The following CUL1 variants were observed in gnomAD, a reference collection of about 807,000 sequenced individuals.
CUL1 encodes cullin-1.
CUL1 carries 24 observed loss-of-function variants against 118.0 expected under a neutral mutation model. That is an observed-to-expected ratio of 0.20 (90% CI 0.15 to 0.29). The LOEUF is 0.29. Ranked by LOEUF, CUL1 falls within the 10% of genes least tolerant of loss-of-function variation. The pLI is 1.00. For synonymous variants in CUL1, 332 were observed against 340.4 expected, an observed-to-expected ratio of 0.98 and a Z score of 0.27; for missense variants, 361 against 933.8, an observed-to-expected ratio of 0.39 and a Z score of 7.99.
At position 148,739,526 on chromosome 7, in the gene CUL1, G is replaced by A. The variant is rs931576963; in HGVS notation, c.140+9264G>A. Among the ~76,000 whole-genome samples, 4 of 152,162 alleles carry A rather than the reference G, an allele frequency of 2.6e-5. No homozygotes were observed. In the East Asian group the frequency reaches 7.7e-4, roughly 29 times the overall value. On this transcript the variant is annotated intron_variant, in intron 2 of 21. Transcript: ENST00000325222. The stretch of plus-strand genomic sequence containing the variant: ...CTTTTTATATGCTCGTTGACCATTC[G>A]TATGTCATCTTTTGTAAAGTGTCCA...
chr7:148,707,627 C>T (rs1490157657), intron 1 of CUL1, among the ~76,000 whole-genome samples: 1 of 152,062 alleles, frequency 6.6e-6, no homozygotes, highest in African/African-American at 2.4e-5. Flanking sequence ...TAGCTGTTTT[C>T]CCTGGTGTTG....
At chr7:148,722,730 C>G (rs1233650349) in intron 1 of CUL1, among the ~76,000 whole-genome samples, 2 of 152,258 alleles carry the variant, frequency 1.3e-5, no homozygotes, top group Non-Finnish European at 2.9e-5. Context: ...TGGTTGCAGG[C>G]CACCCCAGGC....
intron 1 of CUL1, among the ~76,000 whole-genome samples, chr7:148,699,646 A>T (rs1399964743): frequency 6.6e-6 from 1 of 152,060 alleles, no homozygotes; most frequent in Non-Finnish European, 1.5e-5. Context: ...GCGAACGTGC[A>T]GGGCGCTATT....
At chr7:148,729,118 C>A (rs1798675429) in intron 1 of CUL1, among the ~76,000 whole-genome samples, 1 of 152,102 alleles carries the variant, frequency 6.6e-6, no homozygotes, top group Non-Finnish European at 1.5e-5. Flanking sequence ...ATATTGAATA[C>A]CTAAGTTACT....
intron 13 of CUL1, among the ~76,000 whole-genome samples, chr7:148,788,134 C>T (rs1800882519): frequency 6.6e-6 from 1 of 152,264 alleles, no homozygotes; most frequent in South Asian, 2.1e-4. Flanking sequence ...GCACACCAAT[C>T]CCATTGTGAG....
rs373286492 is a variant in CUL1 at position 148,704,223 on chromosome 7, T to C, written c.-162+5194T>C. Among the ~76,000 whole-genome samples the C allele has an allele frequency of 1.1e-4, 14 of 129,294 alleles. No homozygotes were observed. The East Asian group carries it at 1.6e-3, about 15-fold the overall frequency. The allele number at this position is 129,294 out of a possible 152,430, so 84.8% of individuals were successfully genotyped here. Reference sequence around the variant, plus strand: ...TTTATAAAAAGAGGAGCAGGAAACATGAAAAAACTTTCAGCTTTACTAGCA... The same window carrying C: ...TTTATAAAAAGAGGAGCAGGAAACACGAAAAAACTTTCAGCTTTACTAGCA... On this transcript the variant is annotated intron_variant, in intron 1 of 21. Transcript: ENST00000325222.
chr7:148,725,512 T>A (rs1311740406), intron 1 of CUL1, among the ~76,000 whole-genome samples: 1 of 152,202 alleles, frequency 6.6e-6, no homozygotes, highest in Non-Finnish European at 1.5e-5. Context: ...AGGGTGATGC[T>A]GGCTCTATAG....
intron 7 of CUL1, among the ~76,000 whole-genome samples, chr7:148,763,570 A>G (rs1006271620): frequency 2.0e-5 from 3 of 152,190 alleles, no homozygotes; most frequent in Non-Finnish European, 4.4e-5. Flanking sequence ...AATAATAATA[A>G]TAGGTAATAA....
chr7:148,771,306 T>G (rs371811313), intron 9 of CUL1, among the ~76,000 whole-genome samples: 1 of 152,248 alleles, frequency 6.6e-6, no homozygotes, highest in Non-Finnish European at 1.5e-5. Context: ...GGTTTCCAGT[T>G]TATCATGTAA....
intron 1 of CUL1, among the ~76,000 whole-genome samples, chr7:148,709,257 A>G (rs1459599951): frequency 2.6e-5 from 4 of 152,224 alleles, no homozygotes; most frequent in African/African-American, 7.2e-5. Context: ...ATGCGCATAC[A>G]TACTCTGGGC....
chr7:148,792,588 T>C (rs1801052586), intron 16 of CUL1, 138 bp from the exon 17 acceptor site: 1 of 566,986 alleles, frequency 1.8e-6, no homozygotes, highest in African/African-American at 1.9e-5. Flanking sequence ...CCCTTTTAAA[T>C]AGATCTGTGC....
At chr7:148,764,670 C>G (rs1193962615) in intron 7 of CUL1, among the ~76,000 whole-genome samples, 1 of 152,186 alleles carries the variant, frequency 6.6e-6, no homozygotes. Flanking sequence ...TTTGCATGTT[C>G]TATATTCCAC....
At chr7:148,742,598 G>GT (rs59592789) in intron 2 of CUL1, among the ~76,000 whole-genome samples, 1,443 of 112,156 alleles carry the variant, frequency 0.013, 51 homozygotes, top group South Asian at 0.032. Context: ...ACCTTTTCTG[G>GT]TTTTTTTTTT....
chr7:148,744,190 C>A (rs528660917), intron 2 of CUL1, among the ~76,000 whole-genome samples: 71 of 152,214 alleles, frequency 4.7e-4, no homozygotes, highest in African/African-American at 1.7e-3. Context: ...GGTCTTGCTG[C>A]TTTGCCCCTT....
chr7:148,730,687 A>T (rs1041976221), intron 2 of CUL1, among the ~76,000 whole-genome samples: 11 of 152,340 alleles, frequency 7.2e-5, no homozygotes, highest in African/African-American at 2.6e-4. Flanking sequence ...AGAGTTAAGT[A>T]GTTGTGTCAG....
At chr7:148,716,712 T>C (rs1798225355) in intron 1 of CUL1, among the ~76,000 whole-genome samples, 1 of 152,268 alleles carries the variant, frequency 6.6e-6, no homozygotes, top group African/African-American at 2.4e-5. Flanking sequence ...GTTAAGTGTC[T>C]GCTAAGAATT....
intron 2 of CUL1, among the ~76,000 whole-genome samples, chr7:148,734,064 G>A (rs1193465888): frequency 6.6e-6 from 1 of 151,790 alleles, no homozygotes; most frequent in African/African-American, 2.4e-5. Context: ...AATGACCAGA[G>A]CATCTGCAGA....
chr7:148,751,534 C>CAAAA (rs1166826975), intron 2 of CUL1, among the ~76,000 whole-genome samples: 17 of 65,658 alleles, frequency 2.6e-4, no homozygotes, highest in African/African-American at 8.7e-4. Context: ...GACTCTGTCT[C>CAAAA]AAAAAAAAAA....
At chr7:148,698,012 A>C (rs1020985442), upstream of CUL1, 6 of 152,218 alleles carry the variant, frequency 3.9e-5, no homozygotes, top group Non-Finnish European at 7.3e-5. Context: ...TGAATGTCAA[A>C]ATTTGCCAAA....
Sources: gnomAD v4.1 joint callset for allele counts (sites outside exome capture counted in the v4.1 genomes callset) on GRCh38, gnomAD v4.1.1 for gene constraint, MANE v1.5 for transcripts, NCBI Gene and HGNC (gene_info 2026-07-23, HGNC 2026-07-21) for gene names.